The following MEGF11 variants were observed in gnomAD, a reference collection of about 807,000 sequenced individuals.
The protein encoded by MEGF11 is multiple EGF like domains 11, also known as multiple epidermal growth factor-like domains protein 11.
MEGF11 carries 126 observed loss-of-function variants against 146.6 expected under a neutral mutation model. The ratio of observed to expected loss-of-function variants is 0.86; its 90% confidence interval spans 0.74 to 1.00. The LOEUF is 1.00. Among genes scored for constraint, MEGF11 ranks in the 50% least tolerant of loss-of-function variants. The pLI, the probability that MEGF11 is intolerant of heterozygous loss-of-function variation, is 0.00. For synonymous variants in MEGF11, 532 were observed against 583.4 expected, an observed-to-expected ratio of 0.91 and a Z score of 1.27; for missense variants, 1,509 against 1,521.2, an observed-to-expected ratio of 0.99 and a Z score of 0.13.
chr15:66,097,164 G>T (rs376575238), intron 4 of MEGF11, among the ~76,000 whole-genome samples: 2 of 152,176 alleles, frequency 1.3e-5, no homozygotes, highest in Non-Finnish European at 2.9e-5. Context: ...TTCATATTTC[G>T]TAAGTGTTGT....
chr15:66,184,731 G>A (rs1018872712), intron 1 of MEGF11, among the ~76,000 whole-genome samples: 4 of 151,280 alleles, frequency 2.6e-5, no homozygotes, highest in Non-Finnish European at 4.4e-5. Context: ...CTTTCTAGGA[G>A]TTCTCCCAAA....
chr15:66,011,574 T>G (rs911015639), intron 5 of MEGF11, among the ~76,000 whole-genome samples: 1 of 152,114 alleles, frequency 6.6e-6, no homozygotes, highest in Non-Finnish European at 1.5e-5. Context: ...CTCGGGCAAG[T>G]CGCGTAACTC....
rs1350636670 is a variant in MEGF11 at position 66,141,283 on chromosome 15, T to TGAGAGAGAGA, written c.-8-12873_-8-12872insTCTCTCTCTC. 1.3e-3 allele frequency among the ~76,000 whole-genome samples: 119 copies of TGAGAGAGAGA among 90,066 alleles called. 1 individual carries two copies. The highest frequency in any genetic ancestry group is 2.3e-3 in the Admixed American group (18 of 7,852). The allele number at this position is 90,066 out of a possible 152,430, so 59.1% of individuals were successfully genotyped here. A position where few individuals can be genotyped will look rare whatever the true frequency, so the allele number is the denominator to read the frequency against. ...GTGTGTGTGTGTGTGTGTGTGTGTG[T>TGAGAGAGAGA]GTGTGTGAGAGAGAGAGAGAGAGAG... On this transcript the variant is annotated intron_variant, in intron 1 of 25. Transcript: ENST00000395614.
chr15:65,912,973 C>G (rs531538767), intron 20 of MEGF11, among the ~76,000 whole-genome samples: 22 of 152,356 alleles, frequency 1.4e-4, no homozygotes, highest in African/African-American at 4.8e-4. Context: ...CTCACCCAGA[C>G]AGGCTCAGCC....
chr15:66,008,399 ACACGCGCG>A (rs1426560600), intron 5 of MEGF11, among the ~76,000 whole-genome samples: 2 of 13,102 alleles, frequency 1.5e-4, no homozygotes, highest in East Asian at 0.12. Flanking sequence ...ACACACATGC[ACACGCGCG>A]CGCGCACACA....
In MEGF11 at chr15:65,930,907, A is replaced by G. The variant is rs761111884; in HGVS notation, c.1324T>C (p.Tyr442His). The G allele has an allele frequency of 1.9e-5, 30 of 1,610,856 alleles. 1 individual carries two copies. The Admixed American group carries it at 4.9e-4, about 26-fold the overall frequency. The change falls in exon 11 of 26, where the codon TAT becomes CAT. Residue 442 changes from tyrosine (Y) to histidine (H), a missense_variant. By Grantham distance (83) the Tyr-to-His change is moderately conservative (BLOSUM62 2). Transcript: ENST00000395614. ...CAGATGGACGAGCAGTTGGGGCCAT[A>G]GGTCCCTGCTGCACAGGAAACGGCA... ...VCAVSCAAGT[Y>H]GPNCSSICSC...
intron 21 of MEGF11, among the ~76,000 whole-genome samples, chr15:65,910,429 G>A (rs551169638): frequency 7.2e-5 from 11 of 152,232 alleles, no homozygotes; most frequent in Admixed American, 3.3e-4. Context: ...GAACACACAC[G>A]AGTCAGTGAC....
At chr15:66,181,800 GC>G (rs1462717293) in intron 1 of MEGF11, among the ~76,000 whole-genome samples, 1 of 152,164 alleles carries the variant, frequency 6.6e-6, no homozygotes, top group Admixed American at 6.5e-5. Context: ...CCGCTTATCA[GC>G]CCTGGTAATT....
At chr15:66,118,215 G>A (rs1457691582) in intron 4 of MEGF11, among the ~76,000 whole-genome samples, 1 of 152,108 alleles carries the variant, frequency 6.6e-6, no homozygotes, top group South Asian at 2.1e-4. Flanking sequence ...AAGTCCACTG[G>A]CCCCATGTCA....
At chr15:66,156,533 CTG>C (rs996010488) in intron 1 of MEGF11, among the ~76,000 whole-genome samples, 1 of 152,068 alleles carries the variant, frequency 6.6e-6, no homozygotes, top group Non-Finnish European at 1.5e-5. Flanking sequence ...CCACCACTCC[CTG>C]TGTCAGGACA....
intron 5 of MEGF11, among the ~76,000 whole-genome samples, chr15:66,038,219 G>T (rs2083800009): frequency 6.6e-6 from 1 of 152,148 alleles, no homozygotes; most frequent in Non-Finnish European, 1.5e-5. Context: ...CAAAGACGGG[G>T]TGACGGAAAA....
intron 5 of MEGF11, among the ~76,000 whole-genome samples, chr15:66,029,373 T>C (rs943261114): frequency 3.3e-5 from 5 of 152,186 alleles, no homozygotes; most frequent in African/African-American, 9.7e-5. Flanking sequence ...GAATGAGAAG[T>C]CTTCCTCTTT....
At chr15:66,009,125 T>C (rs1268563137) in intron 5 of MEGF11, among the ~76,000 whole-genome samples, 2 of 152,240 alleles carry the variant, frequency 1.3e-5, no homozygotes, top group Non-Finnish European at 2.9e-5. Context: ...ATGTACAAGA[T>C]CTTGCAATCT....
intron 4 of MEGF11, among the ~76,000 whole-genome samples, chr15:66,098,424 G>C (rs1414721093): frequency 1.3e-5 from 2 of 152,182 alleles, no homozygotes; most frequent in Non-Finnish European, 1.5e-5. Context: ...ATTTTGCCTG[G>C]AAGTTTGCAA....
chr15:65,966,899 G>T (rs2081119711), intron 8 of MEGF11, among the ~76,000 whole-genome samples: 1 of 151,772 alleles, frequency 6.6e-6, no homozygotes. Context: ...CAGACTTATT[G>T]TCACAGCAAC....
intron 3 of MEGF11, among the ~76,000 whole-genome samples, chr15:66,121,181 C>A (rs1238099389): frequency 6.6e-6 from 1 of 152,122 alleles, no homozygotes; most frequent in Non-Finnish European, 1.5e-5. Flanking sequence ...GGATGGCAGC[C>A]CTAGCCTCCA....
intron 5 of MEGF11, among the ~76,000 whole-genome samples, chr15:66,051,880 C>A (rs1475406901): frequency 1.3e-5 from 2 of 152,226 alleles, no homozygotes; most frequent in African/African-American, 4.8e-5. Context: ...TCCTTGGGAA[C>A]TTGAGCCCAC....
Position 65,906,123 on chromosome 15 carries a change from C to T in MEGF11, c.3017G>A (p.Arg1006Lys). ...GTCCATAATGTATGTGTTCTGACGT[C>T]TATCCATTCCACAAGCACCTGTGTA... Reference protein sequence around the residue: ...PHSPGACGMDRRQNTYIMDKG... With the variant: ...PHSPGACGMDKRQNTYIMDKG... Residue 1006 changes from arginine to lysine, a missense_variant, in exon 24 of 26, where the codon AGA becomes AAA. Transcript: ENST00000395614. 6.2e-7 allele frequency: 1 copy of T among 1,610,508 alleles called. No homozygotes were observed. The highest frequency in any genetic ancestry group is 8.5e-7 in the Non-Finnish European group (1 of 1,178,310).
chr15:65,915,531 A>G lies in MEGF11; in HGVS notation c.2412T>C (p.Cys804=). ...AGTAACAGGTGCCGGTGACATGGTC[A>G]CAGGTGGAGTTGTTCATGCACTCAC... The part of the protein sequence containing the change: ...QLCECMNNST[C]DHVTGTCYCS... Residue 804 remains cysteine (C), a synonymous_variant, in exon 19 of 26, where the codon TGT becomes TGC. Transcript: ENST00000395614. The G allele has an allele frequency of 6.2e-7, 1 of 1,613,974 alleles. No homozygotes were observed. Among genetic ancestry groups the G allele is most frequent in the Non-Finnish European group, 8.5e-7 (1 of 1,179,868 alleles).
Sources: allele counts gnomAD v4.1 joint callset (sites outside exome capture counted in the v4.1 genomes callset), GRCh38; gene constraint gnomAD v4.1.1; transcripts MANE v1.5; gene names NCBI Gene and HGNC (gene_info 2026-07-23, HGNC 2026-07-21).